PPP3R1: variants seen among roughly 807,000 people sequenced by gnomAD.
PPP3R1 encodes protein phosphatase 3 regulatory subunit B, alpha.
In PPP3R1, 5 loss-of-function variants were observed where a neutral mutation model predicts 22.6. That is an observed-to-expected ratio of 0.22 (90% CI 0.12 to 0.46). The LOEUF is 0.46. PPP3R1 is among the 20% of genes least tolerant of loss of function. PPP3R1 has a pLI of 0.99. For synonymous variants in PPP3R1, 56 were observed against 65.2 expected (o/e 0.86, Z 0.68); for missense variants, 61 against 203.2 (o/e 0.30, Z 4.25).
At chr2:68,222,447 C>A (rs1432814831) in intron 1 of PPP3R1, among the ~76,000 whole-genome samples, 1 of 152,198 alleles carries the variant, frequency 6.6e-6, no homozygotes, top group Non-Finnish European at 1.5e-5. Context: ...AGATTAGCAT[C>A]TGAACTGGTG....
At chr2:68,202,096 C>G (rs1674990085) in intron 2 of PPP3R1, among the ~76,000 whole-genome samples, 1 of 152,204 alleles carries the variant, frequency 6.6e-6, no homozygotes, top group South Asian at 2.1e-4. Context: ...TTCTTTCAGT[C>G]AGACGCTATC....
At chr2:68,184,909 G>A (rs563981699) in intron 5 of PPP3R1, among the ~76,000 whole-genome samples, 2 of 152,196 alleles carry the variant, frequency 1.3e-5, no homozygotes, top group East Asian at 1.9e-4. Flanking sequence ...GCAACATAGC[G>A]AGACCCCTGT....
At chr2:68,204,867 G>A (rs1014056046) in intron 2 of PPP3R1, among the ~76,000 whole-genome samples, 3 of 152,210 alleles carry the variant, frequency 2.0e-5, no homozygotes, top group Non-Finnish European at 4.4e-5. Context: ...CTCAGCATCT[G>A]CTTTATGCCA....
intron 5 of PPP3R1, among the ~76,000 whole-genome samples, chr2:68,182,823 C>T (rs1674442804): frequency 6.6e-6 from 1 of 151,748 alleles, no homozygotes; most frequent in African/African-American, 2.4e-5. Flanking sequence ...CTTTCCTGCA[C>T]ATTTGTTTGG....
chr2:68,192,370 A>G (rs1234244335), intron 2 of PPP3R1, among the ~76,000 whole-genome samples: 1 of 152,158 alleles, frequency 6.6e-6, no homozygotes, highest in African/African-American at 2.4e-5. Context: ...TGTCTCCACA[A>G]ACTTTAAGTG....
intron 2 of PPP3R1, among the ~76,000 whole-genome samples, chr2:68,197,361 T>A (rs1207530254): frequency 6.6e-6 from 1 of 152,234 alleles, no homozygotes; most frequent in African/African-American, 2.4e-5. Context: ...CATGTGTCAG[T>A]TTGTTCCTTT....
chr2:68,229,928 GTGTGTGTATGTGTGTATATA>G (rs1196959376), intron 1 of PPP3R1, among the ~76,000 whole-genome samples: 4 of 148,380 alleles, frequency 2.7e-5, no homozygotes, highest in African/African-American at 1.0e-4. Context: ...GTATATATAT[GTGTGTGTATGTGTGTATATA>G]TGTGTGTGTG....
intron 2 of PPP3R1, among the ~76,000 whole-genome samples, chr2:68,215,836 T>C (rs1034294635): frequency 7.3e-5 from 11 of 151,546 alleles, no homozygotes; most frequent in Admixed American, 5.9e-4. Context: ...AAGAGTAGAG[T>C]AGATAGGGCT....
At chr2:68,195,937 C>G (rs1438805004) in intron 2 of PPP3R1, among the ~76,000 whole-genome samples, 2 of 149,986 alleles carry the variant, frequency 1.3e-5, no homozygotes, top group African/African-American at 4.9e-5. Context: ...ATAATATGTT[C>G]AAGGCTTATC....
intron 1 of PPP3R1, among the ~76,000 whole-genome samples, chr2:68,241,962 T>A (rs370570323): frequency 2.0e-5 from 3 of 152,284 alleles, no homozygotes; most frequent in African/African-American, 7.2e-5. Context: ...ACATTCTTTA[T>A]CTACACTAAC....
chr2:68,238,640 A>G (rs962257283), intron 1 of PPP3R1, among the ~76,000 whole-genome samples: 6 of 152,172 alleles, frequency 3.9e-5, no homozygotes, highest in Admixed American at 6.5e-5. Context: ...CTCTCATGGC[A>G]ATAGGTAAGG....
chr2:68,218,663 T>A (rs1262013858), intron 1 of PPP3R1, among the ~76,000 whole-genome samples: 1 of 152,142 alleles, frequency 6.6e-6, no homozygotes, highest in South Asian at 2.1e-4. Context: ...GTTAAGTATG[T>A]TTCTTGCAAG....
chr2:68,235,583 C>A (rs570243713), intron 1 of PPP3R1, among the ~76,000 whole-genome samples: 2 of 152,168 alleles, frequency 1.3e-5, no homozygotes, highest in South Asian at 4.1e-4. Flanking sequence ...ATGAACATAC[C>A]ATATTTATCG....
chr2:68,218,728 G>GTTGT (rs1553407359), intron 1 of PPP3R1, among the ~76,000 whole-genome samples: 69 of 38,148 alleles, frequency 1.8e-3, no homozygotes, highest in African/African-American at 6.0e-3. Flanking sequence ...GTCACTGTGA[G>GTTGT]TTTTTTTTTT....
intron 1 of PPP3R1, among the ~76,000 whole-genome samples, chr2:68,246,055 TTTTC>T (rs1259198655): frequency 3.4e-4 from 50 of 147,342 alleles, no homozygotes; most frequent in South Asian, 8.5e-4. Context: ...TTTACTGACT[TTTTC>T]TTTCTTTCTT....
At position 68,212,531 on chromosome 2, in the gene PPP3R1, T is replaced by C. The variant is rs146438725; in HGVS notation, c.43+4561A>G. On this transcript the variant is annotated intron_variant, in intron 2 of 5. Coordinates refer to ENST00000234310, the MANE Select transcript of PPP3R1 (RefSeq NM_000945.4). ...TCCATGGGCTACAGAATGGATGTCGTGTTAGCAGGCATGAAAACGTTACTC... is the reference window on the plus strand; with the variant it reads ...TCCATGGGCTACAGAATGGATGTCGCGTTAGCAGGCATGAAAACGTTACTC... Among the ~76,000 whole-genome samples the C allele has an allele frequency of 1.6e-4, 25 of 152,356 alleles. No homozygotes were observed. The East Asian group carries it at 4.6e-3, about 28-fold the overall frequency.
rs34117344 is a variant in PPP3R1 at position 68,190,255 on chromosome 2, TAAAAAAAAAAA to T, written c.44-1576_44-1566del. ...GTAAAGGATCAGGGCAAGTTTCTCT[TAAAAAAAAAAA>T]AAAAAAAAAAAAAAAAGGCCGGGTG... On this transcript the variant is annotated intron_variant, in intron 2 of 5. Transcript: ENST00000234310. Among the ~76,000 whole-genome samples, 17 of 25,120 alleles carry T rather than the reference TAAAAAAAAAAA, an allele frequency of 6.8e-4. No individual in the cohort carries two copies. The Admixed American group carries it at 8.8e-3, about 13-fold the overall frequency. 16.5% of individuals were successfully genotyped at this position (25,120 alleles called of 152,430 possible). A position where few individuals can be genotyped will look rare whatever the true frequency, so the allele number is the denominator to read the frequency against.
intron 1 of PPP3R1, among the ~76,000 whole-genome samples, chr2:68,243,233 T>C (rs1005300759): frequency 3.3e-5 from 5 of 152,218 alleles, no homozygotes; most frequent in Non-Finnish European, 7.3e-5. Context: ...ATTTTAAATA[T>C]TTCATAGTAC....
chr2:68,208,027 G>T (rs1310347774), intron 2 of PPP3R1, among the ~76,000 whole-genome samples: 1 of 152,080 alleles, frequency 6.6e-6, no homozygotes, highest in East Asian at 1.9e-4. Context: ...GTGGTGGTGG[G>T]TGCCTGTAAT....
Sources: gnomAD v4.1 joint callset for allele counts (sites outside exome capture counted in the v4.1 genomes callset) on GRCh38, gnomAD v4.1.1 for gene constraint, MANE v1.5 for transcripts, NCBI Gene and HGNC (gene_info 2026-07-23, HGNC 2026-07-21) for gene names.